The following PCDHB10 variants were observed in gnomAD, a reference collection of about 807,000 sequenced individuals.
PCDHB10 encodes protocadherin beta 10, also known as protocadherin beta-10.
For missense variants in PCDHB10, 1,046 were observed against 1,004.7 expected (o/e 1.04, Z -0.56); for synonymous variants, 448 against 449.2 (o/e 1.00, Z 0.04).
rs782128585 is a variant in PCDHB10 at position 141,193,176 on chromosome 5, C to CAGCTT, written c.626_630dup (p.Thr211AlafsTer2). 6.2e-7 allele frequency: 1 copy of CAGCTT among 1,614,100 alleles called. No homozygotes were observed. The highest frequency in any genetic ancestry group is 8.5e-7 in the Non-Finnish European group (1 of 1,180,030). ...TGGATCGGGAGGAGCAGGGAGAGCTCAGCTTAACCCTCACAGCGCTGGATG... is the reference window on the plus strand; with the variant it reads ...TGGATCGGGAGGAGCAGGGAGAGCTCAGCTTAGCTTAACCCTCACAGCGCTGGATG... On this transcript the variant is annotated frameshift_variant, in exon 1 of 1. Transcript: ENST00000239446. LOFTEE classifies it low-confidence loss of function (END_TRUNC).
At position 141,194,233 on chromosome 5, in the gene PCDHB10, G is replaced by C; in HGVS notation, c.1681G>C (p.Val561Leu). 1 of 1,604,820 alleles carries C rather than the reference G, an allele frequency of 6.2e-7. No individual in the cohort carries two copies. Among genetic ancestry groups the C allele is most frequent in the Non-Finnish European group, 8.5e-7 (1 of 1,178,210 alleles). The change falls in exon 1 of 1, where the codon GTG (valine) becomes CTG (leucine). Residue 561 changes from valine to leucine, a missense_variant. Coordinates refer to ENST00000239446, the MANE Select transcript of PCDHB10 (RefSeq NM_018930.4). Reference protein sequence around the residue: ...VLDANDNSPFVLYPLQNGSAP... With the variant: ...VLDANDNSPFLLYPLQNGSAP... Reference sequence around the variant, plus strand: ...GGACGCCAACGACAACTCGCCCTTCGTGCTGTACCCGCTGCAGAACGGCTC... The same window carrying C: ...GGACGCCAACGACAACTCGCCCTTCCTGCTGTACCCGCTGCAGAACGGCTC...
Position 141,194,578 on chromosome 5 carries a change from G to A in PCDHB10, c.2026G>A (p.Ala676Thr), listed in dbSNP as rs782797481. ...FSQPYLPLPE[A>T]APAQAQAEAD... ...CCAGCCCTACCTGCCTCTCCCGGAG[G>A]CGGCCCCGGCCCAGGCCCAGGCCGA... is the stretch of plus-strand genomic sequence containing the variant. Residue 676 changes from alanine (A) to threonine (T), a missense_variant, in exon 1 of 1, where the codon GCG becomes ACG. Coordinates refer to ENST00000239446, the MANE Select transcript of PCDHB10 (RefSeq NM_018930.4). 2.6e-6 allele frequency: 4 copies of A among 1,560,628 alleles called. No homozygotes were observed. The highest frequency in any genetic ancestry group is 3.4e-6 in the Non-Finnish European group (4 of 1,160,168).
chr5:141,192,445 A>G lies in PCDHB10; in HGVS notation c.-108A>G. ...CCAAAGATTGGGAAAGGGAAAGGACAAAAAAGACCCCTGGGCTACACGGCG... is the reference window on the plus strand; with the variant it reads ...CCAAAGATTGGGAAAGGGAAAGGACGAAAAAGACCCCTGGGCTACACGGCG... On this transcript the variant is annotated 5_prime_UTR_variant, in exon 1 of 1. Transcript: ENST00000239446. The G allele has an allele frequency of 7.0e-7, 1 of 1,430,312 alleles. No individual in the cohort carries two copies. Among genetic ancestry groups the G allele is most frequent in the Admixed American group, 2.3e-5 (1 of 43,774 alleles). The allele number at this position is 1,430,312 out of a possible 1,614,324, so 88.6% of individuals were successfully genotyped here.
chr5:141,193,125 T>C lies in PCDHB10; in HGVS notation c.573T>C (p.Tyr191=). The C allele has an allele frequency of 6.2e-7, 1 of 1,614,134 alleles. No homozygotes were observed. The highest frequency in any genetic ancestry group is 2.2e-5 in the East Asian group (1 of 44,882). ...GTGGCGGTGATGAAGGCATGATATA[T>C]CCAGAGCTAGTGTTGGACAAAGCAC... ...NISGGDEGMI[Y]PELVLDKALD... is the part of the protein sequence containing the mutation. Residue 191 remains tyrosine (Y), a synonymous_variant, in exon 1 of 1, where the codon TAT becomes TAC. Transcript: ENST00000239446.
At position 141,192,429 on chromosome 5, in the gene PCDHB10, G is replaced by T. The variant is rs189582523; in HGVS notation, c.-124G>T. On this transcript the variant is annotated 5_prime_UTR_variant, in exon 1 of 1. Transcript: ENST00000239446. ...AGAGAAGCTTTAGCTGCCAAAGATTGGGAAAGGGAAAGGACAAAAAAGACC... is the reference window on the plus strand; with the variant it reads ...AGAGAAGCTTTAGCTGCCAAAGATTTGGAAAGGGAAAGGACAAAAAAGACC... 3.2e-6 allele frequency: 4 copies of T among 1,238,714 alleles called. No homozygotes were observed. In the Admixed American group the frequency reaches 9.4e-5, roughly 29 times the overall value. 76.7% of individuals were successfully genotyped at this position (1,238,714 alleles called of 1,614,324 possible). A position where few individuals can be genotyped will look rare whatever the true frequency, so the allele number is the denominator to read the frequency against.
rs782638344 is a variant in PCDHB10 at position 141,194,522 on chromosome 5, C to G, written c.1970C>G (p.Thr657Arg). The G allele has an allele frequency of 8.2e-6, 13 of 1,581,150 alleles. 1 individual carries two copies. Among genetic ancestry groups the G allele is most frequent in the East Asian group, 2.3e-5 (1 of 43,106 alleles). ...NGEPPRSATA[T>R]LHLLLVDGFS... ...GAGCCTCCTCGCTCGGCCACCGCCA[C>G]GCTGCACTTGCTCCTGGTGGACGGC... Residue 657 changes from threonine (T) to arginine (R), a missense_variant, in exon 1 of 1, where the codon ACG (threonine) becomes AGG (arginine). By Grantham distance (71) the Thr-to-Arg change is moderately conservative (BLOSUM62 -1). Coordinates refer to ENST00000239446, the MANE Select transcript of PCDHB10 (RefSeq NM_018930.4).
In PCDHB10 at chr5:141,193,546, A is replaced by G; in HGVS notation, c.994A>G (p.Arg332Gly). The change falls in exon 1 of 1, where the codon AGG (arginine) becomes GGG (glycine). Residue 332 changes from arginine to glycine, a missense_variant. Transcript: ENST00000239446. Reference protein sequence around the residue: ...MDGGGLSARCRVLVEVLDTND... With the variant: ...MDGGGLSARCGVLVEVLDTND... ...CGGTGGAGGCCTTTCTGCAAGATGT[A>G]GGGTTTTAGTGGAAGTATTGGACAC... 1 of 1,614,170 alleles carries G rather than the reference A, an allele frequency of 6.2e-7. No individual in the cohort carries two copies. Among genetic ancestry groups the G allele is most frequent in the Non-Finnish European group, 8.5e-7 (1 of 1,180,026 alleles).
rs375569292 is a variant in PCDHB10, at chr5:141,193,881, C to A, written c.1329C>A (p.Asp443Glu). ...ACAACATAACGGTCCTGGTCTCCGA[C>A]GTCAATGACAACGCCCCCGCCTTCA... ...TEHNITVLVS[D>E]VNDNAPAFTQ... is the part of the protein sequence containing the mutation. Residue 443 changes from aspartate to glutamate, a missense_variant, in exon 1 of 1, where the codon GAC becomes GAA. Asp to Glu is a conservative substitution (Grantham distance 45). Coordinates refer to ENST00000239446, the MANE Select transcript of PCDHB10 (RefSeq NM_018930.4). The A allele has an allele frequency of 3.7e-6, 6 of 1,613,798 alleles. No individual in the cohort carries two copies. The African/African-American group carries it at 5.3e-5, about 14-fold the overall frequency.
In PCDHB10 at chr5:141,193,870, C is replaced by T. The variant is rs781833285; in HGVS notation, c.1318C>T (p.Leu440=). 67 of 1,613,872 alleles carry T rather than the reference C, an allele frequency of 4.2e-5. No individual in the cohort carries two copies. Among genetic ancestry groups the T allele is most frequent in the Admixed American group, 8.3e-5 (5 of 59,998 alleles). Residue 440 remains leucine (L), a synonymous_variant, in exon 1 of 1, where the codon CTG becomes TTG. Coordinates refer to ENST00000239446, the MANE Select transcript of PCDHB10 (RefSeq NM_018930.4). ...RLKTEHNITV[L]VSDVNDNAPA... is the part of the protein sequence containing the mutation. The stretch of plus-strand genomic sequence containing the variant: ...GAAAACCGAGCACAACATAACGGTC[C>T]TGGTCTCCGACGTCAATGACAACGC...
chr5:141,193,581 T>TC lies in PCDHB10; in HGVS notation c.1034dup (p.Glu346Ter). On this transcript the variant is annotated frameshift_variant, in exon 1 of 1. Transcript: ENST00000239446. LOFTEE classifies it low-confidence loss of function (END_TRUNC). ...TGGAAGTATTGGACACCAATGACAA[T>TC]CCCCCTGAACTGATCGTATCATCAT... 6.2e-7 allele frequency: 1 copy of TC among 1,614,020 alleles called. No individual in the cohort carries two copies.
Position 141,193,879 on chromosome 5 carries a change from G to T in PCDHB10, c.1327G>T (p.Asp443Tyr). The T allele has an allele frequency of 6.2e-7, 1 of 1,613,856 alleles. No individual in the cohort carries two copies. The highest frequency in any genetic ancestry group is 1.1e-5 in the South Asian group (1 of 91,058). Reference sequence around the variant, plus strand: ...GCACAACATAACGGTCCTGGTCTCCGACGTCAATGACAACGCCCCCGCCTT... The same window carrying T: ...GCACAACATAACGGTCCTGGTCTCCTACGTCAATGACAACGCCCCCGCCTT... ...TEHNITVLVS[D>Y]VNDNAPAFTQ... The change falls in exon 1 of 1, where the codon GAC (aspartate) becomes TAC (tyrosine). Residue 443 changes from aspartate (D) to tyrosine (Y), a missense_variant. Physicochemically the swap from Asp to Tyr is radical, Grantham distance 160. Coordinates refer to ENST00000239446, the MANE Select transcript of PCDHB10 (RefSeq NM_018930.4).
At position 141,193,852 on chromosome 5, in the gene PCDHB10, G is replaced by A. The variant is rs1554284183; in HGVS notation, c.1300G>A (p.Glu434Lys). 6.2e-7 allele frequency: 1 copy of A among 1,613,902 alleles called. No homozygotes were observed. The highest frequency in any genetic ancestry group is 2.2e-5 in the East Asian group (1 of 44,872). The change falls in exon 1 of 1, where the codon GAG becomes AAG. Residue 434 changes from glutamate to lysine, a missense_variant. By Grantham distance (56) the Glu-to-Lys change is moderately conservative. Coordinates refer to ENST00000239446, the MANE Select transcript of PCDHB10 (RefSeq NM_018930.4). ...CTTGGGGACACCCAGGCTGAAAACC[G>A]AGCACAACATAACGGTCCTGGTCTC... ...TDLGTPRLKT[E>K]HNITVLVSDV...
At position 141,192,643 on chromosome 5, in the gene PCDHB10, G is replaced by C. The variant is rs901211475; in HGVS notation, c.91G>C (p.Gly31Arg). 1.2e-6 allele frequency: 2 copies of C among 1,614,090 alleles called. No individual in the cohort carries two copies. The highest frequency in any genetic ancestry group is 1.7e-6 in the Non-Finnish European group (2 of 1,180,030). The part of the protein sequence containing the change: ...WGVSLAGSGF[G>R]RYSVTEETEK... ...AGTGTCCTTGGCAGGTTCTGGGTTT[G>C]GACGTTATTCGGTGACTGAGGAAAC... The change falls in exon 1 of 1, where the codon GGA (glycine) becomes CGA (arginine). Residue 31 changes from glycine to arginine, a missense_variant. Transcript: ENST00000239446.
Position 141,192,478 on chromosome 5 carries a change from A to G in PCDHB10, c.-75A>G. The G allele has an allele frequency of 1.9e-6, 3 of 1,547,200 alleles. No homozygotes were observed. On this transcript the variant is annotated 5_prime_UTR_variant, in exon 1 of 1. Coordinates refer to ENST00000239446, the MANE Select transcript of PCDHB10 (RefSeq NM_018930.4). ...CCCCTGGGCTACACGGCGTAGGTGCAGGGTTTCCTACTGCTGTTCTTTTAT... is the reference window on the plus strand; with the variant it reads ...CCCCTGGGCTACACGGCGTAGGTGCGGGGTTTCCTACTGCTGTTCTTTTAT...
Position 141,195,585 on chromosome 5 carries a change from G to T in PCDHB10, c.*630G>T, listed in dbSNP as rs1258137433. 1.2e-5 allele frequency: 2 copies of T among 166,232 alleles called. No individual in the cohort carries two copies. Among genetic ancestry groups the T allele is most frequent in the Non-Finnish European group, 2.9e-5 (2 of 67,900 alleles). The allele number at this position is 166,232 out of a possible 1,614,324, so 10.3% of individuals were successfully genotyped here. On this transcript the variant is annotated 3_prime_UTR_variant, in exon 1 of 1. Transcript: ENST00000239446. ...ATAAAACAGACTATGCCTTATAATTGAAATAAAATTATAATCTGCCTGAAA... is the reference window on the plus strand; with the variant it reads ...ATAAAACAGACTATGCCTTATAATTTAAATAAAATTATAATCTGCCTGAAA...
In PCDHB10 at chr5:141,194,703, G is replaced by A; in HGVS notation, c.2151G>A (p.Arg717=). The A allele has an allele frequency of 6.2e-7, 1 of 1,609,886 alleles. No homozygotes were observed. The highest frequency in any genetic ancestry group is 8.5e-7 in the Non-Finnish European group (1 of 1,179,808). The change falls in exon 1 of 1, where the codon AGG becomes AGA. Residue 717 remains arginine (R), a synonymous_variant. Transcript: ENST00000239446. ...VLLFVAVRLC[R]RSRAASVGRC... Reference sequence around the variant, plus strand: ...TGTTCGTGGCGGTGCGGCTGTGCAGGAGGAGCAGGGCGGCCTCGGTGGGTC... The same window carrying A: ...TGTTCGTGGCGGTGCGGCTGTGCAGAAGGAGCAGGGCGGCCTCGGTGGGTC...
In PCDHB10 at chr5:141,194,857, T is replaced by C. The variant is rs1251067395; in HGVS notation, c.2305T>C (p.Leu769=). The C allele has an allele frequency of 6.2e-7, 1 of 1,614,048 alleles. No homozygotes were observed. Among genetic ancestry groups the C allele is most frequent in the Non-Finnish European group, 8.5e-7 (1 of 1,180,038 alleles). ...GGPGTSEFKF[L]KPVISDIQAQ... ...CCCCGGGACCAGTGAGTTCAAGTTC[T>C]TGAAACCAGTTATTTCGGATATTCA... The change falls in exon 1 of 1, where the codon TTG becomes CTG. Residue 769 remains leucine, a synonymous_variant. Transcript: ENST00000239446.
In PCDHB10 at chr5:141,193,337, T is replaced by G. The variant is rs782711889; in HGVS notation, c.785T>G (p.Val262Gly). 1 of 1,614,128 alleles carries G rather than the reference T, an allele frequency of 6.2e-7. No homozygotes were observed. The highest frequency in any genetic ancestry group is 1.1e-5 in the South Asian group (1 of 91,074). ...PENSPIGFLI[V>G]KVWAEDVDSG... is the part of the protein sequence containing the mutation. Reference sequence around the variant, plus strand: ...AACAGCCCCATTGGGTTCCTTATTGTTAAGGTATGGGCAGAAGATGTAGAC... The same window carrying G: ...AACAGCCCCATTGGGTTCCTTATTGGTAAGGTATGGGCAGAAGATGTAGAC... The change falls in exon 1 of 1, where the codon GTT becomes GGT. Residue 262 changes from valine (V) to glycine (G), a missense_variant. Val to Gly is a moderately radical substitution (Grantham distance 109, BLOSUM62 -3). Transcript: ENST00000239446.
chr5:141,193,585 C>T lies in PCDHB10; in HGVS notation c.1033C>T (p.Pro345Ser). Reference protein sequence around the residue: ...VEVLDTNDNPPELIVSSFSNS... With the variant: ...VEVLDTNDNPSELIVSSFSNS... ...AGTATTGGACACCAATGACAATCCC[C>T]CTGAACTGATCGTATCATCATTTTC... Residue 345 changes from proline to serine, a missense_variant, in exon 1 of 1, where the codon CCT (proline) becomes TCT (serine). By Grantham distance (74) the Pro-to-Ser change is moderately conservative. Transcript: ENST00000239446. 3.7e-6 allele frequency: 6 copies of T among 1,614,086 alleles called. No individual in the cohort carries two copies. Among genetic ancestry groups the T allele is most frequent in the Non-Finnish European group, 5.1e-6 (6 of 1,180,034 alleles).
Sources: allele counts gnomAD v4.1 joint callset, GRCh38; gene constraint gnomAD v4.1.1; transcripts MANE v1.5; gene names NCBI Gene and HGNC (gene_info 2026-07-23, HGNC 2026-07-21).